The following LMF1 variants were observed in gnomAD, a reference collection of about 807,000 sequenced individuals.
LMF1 encodes transmembrane protein 112.
In LMF1, 68 loss-of-function variants were observed where a neutral mutation model predicts 60.6. The observed-to-expected ratio is 1.12, with a 90% CI of 0.92 to 1.37. The LOEUF (loss-of-function observed/expected upper bound fraction) is 1.37, where lower values mean the gene tolerates loss of function less well. Ranked by LOEUF, LMF1 falls within the 40% of genes most tolerant of loss-of-function variation. The probability of loss-of-function intolerance (pLI) is 0.00; values close to 1 mark genes in which losing one functional copy is unlikely to be tolerated. For synonymous variants in LMF1, 418 were observed against 324.7 expected (o/e 1.29, Z -3.09); for missense variants, 948 against 767.2 (o/e 1.24, Z -2.78).
At chr16:925,801 G>T (rs2071576287) in intron 3 of LMF1, among the ~76,000 whole-genome samples, 1 of 152,218 alleles carries the variant, frequency 6.6e-6, no homozygotes, top group African/African-American at 2.4e-5. Flanking sequence ...CCAGATATTA[G>T]TAAGTGAAAA....
chr16:932,174 C>G (rs985342830), intron 3 of LMF1, among the ~76,000 whole-genome samples: 4 of 152,184 alleles, frequency 2.6e-5, no homozygotes, highest in African/African-American at 9.6e-5. Context: ...CCAGGCACTT[C>G]CCCCCCACCC....
chr16:891,628 A>AC (rs59651021), intron 5 of LMF1, among the ~76,000 whole-genome samples: 15 of 151,376 alleles, frequency 9.9e-5, no homozygotes, highest in East Asian at 5.9e-4. Flanking sequence ...GAGACACGGG[A>AC]CCCCCCCACC....
At chr16:855,489 C>A (rs550143982) in intron 10 of LMF1, 9 of 357,338 alleles carry the variant, frequency 2.5e-5, no homozygotes, top group Non-Finnish European at 4.4e-5. Context: ...TGGGCATTTT[C>A]TCCTGGGGGT....
rs1269525472 is a variant in LMF1 at position 954,603 on chromosome 16, G to A, written c.257C>T (p.Pro86Leu). The A allele has an allele frequency of 2.0e-5, 32 of 1,610,908 alleles. No homozygotes were observed. The highest frequency in any genetic ancestry group is 4.5e-5 in the East Asian group (2 of 44,832). The change falls in exon 2 of 11, where the codon CCC becomes CTC. Residue 86 changes from proline to leucine, a missense_variant. By Grantham distance (98) the Pro-to-Leu change is moderately conservative. Transcript: ENST00000262301. ...KQLIGDRGLL[P>L]CRVFLKNFQQ... ...GAAGTTCTTCAGGAACACTCTGCAG[G>A]GAAGCAGCCCCCTGTCACCGATGAG...
intron 6 of LMF1, among the ~76,000 whole-genome samples, chr16:876,106 C>T (rs894481960): frequency 2.2e-4 from 34 of 152,252 alleles, no homozygotes; most frequent in Admixed American, 5.9e-4. Flanking sequence ...CACATGTGCC[C>T]GGGGCTCCGT....
At chr16:977,909 A>C (rs1287355834) in intron 1 of LMF1, among the ~76,000 whole-genome samples, 1 of 144,904 alleles carries the variant, frequency 6.9e-6, no homozygotes, top group South Asian at 2.3e-4. Context: ...CTAAACACAC[A>C]CACCACACAC....
intron 3 of LMF1, among the ~76,000 whole-genome samples, chr16:925,029 G>T (rs867879066): frequency 6.6e-6 from 1 of 152,220 alleles, no homozygotes; most frequent in Non-Finnish European, 1.5e-5. Context: ...TCAGACCCCC[G>T]TCCGCAGAGT....
At chr16:883,394 C>T (rs941233635) in intron 5 of LMF1, among the ~76,000 whole-genome samples, 9 of 152,356 alleles carry the variant, frequency 5.9e-5, no homozygotes, top group African/African-American at 2.2e-4. Context: ...TGTCACAGGA[C>T]CAGGAGAAAG....
chr16:864,542 G>A (rs2069558939), intron 10 of LMF1, among the ~76,000 whole-genome samples: 1 of 152,156 alleles, frequency 6.6e-6, no homozygotes, highest in South Asian at 2.1e-4. Flanking sequence ...AAGGTAGTAG[G>A]CTAGGCTGAG....
chr16:922,209 G>C (rs117796164), intron 3 of LMF1, among the ~76,000 whole-genome samples: 1 of 152,178 alleles, frequency 6.6e-6, no homozygotes, highest in African/African-American at 2.4e-5. Context: ...CAACCACCCA[G>C]GGGCTTTCTC....
chr16:854,655 C>T lies in LMF1; in HGVS notation c.1581G>A (p.Arg527=). The T allele has an allele frequency of 6.2e-7, 1 of 1,604,838 alleles. No individual in the cohort carries two copies. The highest frequency in any genetic ancestry group is 8.5e-7 in the Non-Finnish European group (1 of 1,177,994). ...CCCACCACTTGCCCTCGGCGGCGTG[C>T]CTGCCCCCAGGACGGCTGAACTTGT... ...YRYKFSRPGG[R]HAAEGKWWVR... The change falls in exon 11 of 11, where the codon AGG becomes AGA. Residue 527 remains arginine, a synonymous_variant. Coordinates refer to ENST00000262301, the MANE Select transcript of LMF1 (RefSeq NM_022773.4).
intron 2 of LMF1, among the ~76,000 whole-genome samples, chr16:952,848 C>T: frequency 7.1e-6 from 1 of 141,068 alleles, no homozygotes; most frequent in East Asian, 2.0e-4. Flanking sequence ...CACGTCCACA[C>T]AGACACCCAC....
intron 10 of LMF1, among the ~76,000 whole-genome samples, chr16:859,252 G>T (rs1442767419): frequency 1.6e-4 from 16 of 102,760 alleles, no homozygotes; most frequent in Non-Finnish European, 2.5e-4. Context: ...GTGTGCAGTG[G>T]TGTCACGGGA....
rs2072694409 is a variant in LMF1 at position 956,045 on chromosome 16, CT to C, written c.194-1380del. On this transcript the variant is annotated intron_variant, in intron 1 of 10. Coordinates refer to ENST00000262301, the MANE Select transcript of LMF1 (RefSeq NM_022773.4). ...CATCCACAGGTCTCTGAGTTCACGT[CT>C]CACGGCGCCCACCGCACGACGGCTC... Among the ~76,000 whole-genome samples the C allele has an allele frequency of 4.2e-5, 6 of 141,938 alleles. 1 individual carries two copies. The highest frequency in any genetic ancestry group is 1.4e-4 in the Admixed American group (2 of 14,328). The allele number at this position is 141,938 out of a possible 152,430, so 93.1% of individuals were successfully genotyped here. A position where few individuals can be genotyped will look rare whatever the true frequency, so the allele number is the denominator to read the frequency against.
chr16:975,781 T>A (rs1364301349), upstream of LMF1: 1 of 452,912 alleles, frequency 2.2e-6, no homozygotes. Flanking sequence ...CAGGGTGTGT[T>A]TTCATTTGCC....
intron 5 of LMF1, among the ~76,000 whole-genome samples, chr16:880,180 G>A (rs4984952): frequency 0.24 from 36,512 of 152,072 alleles, 5,375 homozygotes; most frequent in East Asian, 0.43. Flanking sequence ...GGATGGACAC[G>A]TGGGTGGGGA....
intron 1 of LMF1, chr16:976,934 CAG>C (rs1247108008): frequency 1.1e-5 from 5 of 454,038 alleles, no homozygotes; most frequent in African/African-American, 2.0e-5. Flanking sequence ...CCCAGTGTGT[CAG>C]GGGAGTGCGA....
chr16:901,118 G>C (rs1220270302), intron 4 of LMF1: 2 of 152,332 alleles, frequency 1.3e-5, no homozygotes, highest in East Asian at 3.9e-4. Context: ...CAGATTTCCA[G>C]CTTTTCAATT....
Position 962,976 on chromosome 16 carries a change from G to A in LMF1, c.193+7812C>T, listed in dbSNP as rs1325126651. On this transcript the variant is annotated intron_variant, in intron 1 of 10. Transcript: ENST00000262301. The surrounding 1 kb of genome is among the most constrained non-coding windows in gnomAD (Gnocchi z 4.5). Reference sequence around the variant, plus strand: ...CTGGGCGACGAAAGGGTCAGGGCTGGTGACCTCTAAAGGGGCTGCGACGGC... The same window carrying A: ...CTGGGCGACGAAAGGGTCAGGGCTGATGACCTCTAAAGGGGCTGCGACGGC... 6.6e-6 allele frequency among the ~76,000 whole-genome samples: 1 copy of A among 152,176 alleles called. No individual in the cohort carries two copies. The highest frequency in any genetic ancestry group is 1.5e-5 in the Non-Finnish European group (1 of 68,040).
Sources: gnomAD v4.1 joint callset for allele counts (sites outside exome capture counted in the v4.1 genomes callset) on GRCh38, gnomAD v4.1.1 for gene constraint, Gnocchi (gnomAD v3.1) non-coding constraint, MANE v1.5 for transcripts, NCBI Gene and HGNC (gene_info 2026-07-23, HGNC 2026-07-21) for gene names.